The following RPS6KA5 variants were observed in gnomAD, a reference collection of about 807,000 sequenced individuals.
RPS6KA5 encodes the protein ribosomal protein S6 kinase A5.
A neutral mutation model predicts 85.5 loss-of-function variants in RPS6KA5; 27 were observed. The ratio of observed to expected loss-of-function variants is 0.32; its 90% CI spans 0.23 to 0.44. The LOEUF (loss-of-function observed/expected upper bound fraction) is 0.44, where lower values mean the gene tolerates loss of function less well. RPS6KA5 is among the 20% of genes least tolerant of loss of function. The pLI is 1.00. For synonymous variants in RPS6KA5, 334 were observed against 348.2 expected (o/e 0.96, Z 0.46); for missense variants, 811 against 980.9 (o/e 0.83, Z 2.31).
rs2032383395 is a variant in RPS6KA5 at position 90,858,348 on chromosome 14, C to A, written c.*13726G>T. The A allele has an allele frequency of 6.6e-6, 1 of 151,998 alleles. No individual in the cohort carries two copies. Among genetic ancestry groups the A allele is most frequent in the Non-Finnish European group, 1.5e-5 (1 of 68,014 alleles). 9.4% of individuals were successfully genotyped at this position (151,998 alleles called of 1,614,324 possible). A position where few individuals can be genotyped will look rare whatever the true frequency, so the allele number is the denominator to read the frequency against. ...CGAATTCATTAAATAAATCTCTGTC[C>A]AAGAACTGTTCGAGAATGATGTTAA... On this transcript the variant is annotated 3_prime_UTR_variant, in exon 17 of 17. Transcript: ENST00000614987.
intron 1 of RPS6KA5, among the ~76,000 whole-genome samples, chr14:91,059,060 G>T (rs2043470207): frequency 1.3e-5 from 2 of 152,192 alleles, no homozygotes; most frequent in Admixed American, 1.3e-4. Context: ...GGGCACGGTG[G>T]CTCACGCCTG....
At chr14:90,872,591 C>T (rs1484915848) in intron 16 of RPS6KA5, among the ~76,000 whole-genome samples, 1 of 152,166 alleles carries the variant, frequency 6.6e-6, no homozygotes, top group Admixed American at 6.5e-5. Flanking sequence ...GAAGTTAGTA[C>T]TACATCCTAA....
At position 91,037,370 on chromosome 14, in the gene RPS6KA5, G is replaced by A. The variant is rs1289483165; in HGVS notation, c.103+22962C>T. ...CCTGAATGCCACTGTGGCCCATTAT[G>A]GTAATTACATCCACCCTAGCCCTAA... On this transcript the variant is annotated intron_variant, in intron 1 of 16. Coordinates refer to ENST00000614987, the MANE Select transcript of RPS6KA5 (RefSeq NM_004755.4). Among the ~76,000 whole-genome samples, 3 of 152,122 alleles carry A rather than the reference G, an allele frequency of 2.0e-5. No individual in the cohort carries two copies. In the East Asian group the frequency reaches 5.8e-4, roughly 29 times the overall value.
At chr14:90,996,733 T>A (rs1021701816) in intron 2 of RPS6KA5, among the ~76,000 whole-genome samples, 1 of 152,096 alleles carries the variant, frequency 6.6e-6, no homozygotes, top group Non-Finnish European at 1.5e-5. Context: ...AACTTTAATA[T>A]GAAAAAAGAA....
chr14:90,991,909 A>G (rs944808812), intron 2 of RPS6KA5, among the ~76,000 whole-genome samples: 25 of 152,250 alleles, frequency 1.6e-4, no homozygotes, highest in African/African-American at 5.8e-4. Context: ...TAAGTGTCAA[A>G]AAGTAAATCT....
intron 14 of RPS6KA5, among the ~76,000 whole-genome samples, chr14:90,878,304 A>T (rs2033611033): frequency 6.6e-6 from 1 of 152,192 alleles, no homozygotes; most frequent in Non-Finnish European, 1.5e-5. Flanking sequence ...TCTTGATTAA[A>T]CAGAGGGATG....
intron 7 of RPS6KA5, among the ~76,000 whole-genome samples, chr14:90,907,593 T>C (rs2035582148): frequency 6.6e-6 from 1 of 152,170 alleles, no homozygotes; most frequent in Non-Finnish European, 1.5e-5. Context: ...GAAATGATAA[T>C]GAAACTGTAA....
chr14:90,977,377 T>G (rs1216928876), intron 3 of RPS6KA5, among the ~76,000 whole-genome samples: 1 of 152,174 alleles, frequency 6.6e-6, no homozygotes, highest in Non-Finnish European at 1.5e-5. Flanking sequence ...ATGGTGGAAC[T>G]TTTCTGCAAA....
chr14:90,895,892 G>C (rs1339622463), intron 12 of RPS6KA5, among the ~76,000 whole-genome samples: 1 of 151,656 alleles, frequency 6.6e-6, no homozygotes, highest in African/African-American at 2.4e-5. Context: ...TCTCAAAAAA[G>C]AAAAAAAGCA....
Position 90,852,353 on chromosome 14 carries a change from T to C in RPS6KA5, c.*19721A>G, listed in dbSNP as rs929051350. ...TGCCCGCCTCGGCCTCCCAACACTT[T>C]TGTTTAAAAAATGGAAATTTCTTCT... On this transcript the variant is annotated 3_prime_UTR_variant, in exon 17 of 17. Transcript: ENST00000614987. The C allele has an allele frequency of 8.5e-5, 13 of 152,066 alleles. No homozygotes were observed. Among genetic ancestry groups the C allele is most frequent in the African/African-American group, 3.1e-4 (13 of 41,438 alleles). The allele number at this position is 152,066 out of a possible 1,614,324, so 9.4% of individuals were successfully genotyped here.
In RPS6KA5 at chr14:90,856,280, G is replaced by A. The variant is rs946450210; in HGVS notation, c.*15794C>T. ...TTCAGAGTTGATGCCAAAGAAAGGG[G>A]GGCAGGATGGCATTCTCTGAATAGC... On this transcript the variant is annotated 3_prime_UTR_variant, in exon 17 of 17. Transcript: ENST00000614987. 1 of 152,154 alleles carries A rather than the reference G, an allele frequency of 6.6e-6. No individual in the cohort carries two copies. The highest frequency in any genetic ancestry group is 2.4e-5 in the African/African-American group (1 of 41,426). The allele number at this position is 152,154 out of a possible 1,614,324, so 9.4% of individuals were successfully genotyped here.
chr14:90,992,061 G>C (rs1014434806), intron 2 of RPS6KA5, among the ~76,000 whole-genome samples: 3 of 152,082 alleles, frequency 2.0e-5, no homozygotes, highest in Non-Finnish European at 2.9e-5. Context: ...GAAGACATCT[G>C]ATGAGTCTTT....
chr14:90,875,412 C>A, intron 14 of RPS6KA5, 52 bp from the exon 15 acceptor site: 1 of 1,526,558 alleles, frequency 6.6e-7, no homozygotes, highest in South Asian at 1.2e-5. Flanking sequence ...CTGTTAAAGC[C>A]ACTCTAATAA....
chr14:90,862,443 C>CCTG lies in RPS6KA5; in HGVS notation c.*9630_*9631insCAG, dbSNP rs2032605341. ...GTCTGTCCTTCTTCTTCCTCCTCCT[C>CCTG]CTCCTCCTCCTCCTTCTTCTTCTTC... On this transcript the variant is annotated 3_prime_UTR_variant, in exon 17 of 17. Transcript: ENST00000614987. 1 of 142,086 alleles carries CCTG rather than the reference C, an allele frequency of 7.0e-6. No homozygotes were observed. Among genetic ancestry groups the CCTG allele is most frequent in the African/African-American group, 2.5e-5 (1 of 39,630 alleles). 8.8% of individuals were successfully genotyped at this position (142,086 alleles called of 1,614,324 possible). A position where few individuals can be genotyped will look rare whatever the true frequency, so the allele number is the denominator to read the frequency against.
At chr14:90,950,171 C>T (rs1386232741) in intron 3 of RPS6KA5, among the ~76,000 whole-genome samples, 2 of 152,074 alleles carry the variant, frequency 1.3e-5, no homozygotes, top group Non-Finnish European at 2.9e-5. Flanking sequence ...TAAATTTATT[C>T]CCAAATGTTT....
intron 1 of RPS6KA5, among the ~76,000 whole-genome samples, chr14:91,002,883 T>C (rs992314565): frequency 6.6e-6 from 1 of 152,190 alleles, no homozygotes; most frequent in Non-Finnish European, 1.5e-5. Context: ...TATAATTTTA[T>C]AGTAAGAACA....
chr14:90,902,762 C>T, intron 9 of RPS6KA5, 46 bp downstream of exon 9: 1 of 1,533,220 alleles, frequency 6.5e-7, no homozygotes, highest in African/African-American at 1.4e-5. Context: ...TCTTTTCTTT[C>T]AAAGGACATA....
intron 1 of RPS6KA5, among the ~76,000 whole-genome samples, chr14:91,007,232 C>T (rs990897736): frequency 3.3e-5 from 5 of 152,126 alleles, no homozygotes; most frequent in Non-Finnish European, 5.9e-5. Flanking sequence ...TTAACTCCTT[C>T]CCATAGAAAG....
intron 4 of RPS6KA5, among the ~76,000 whole-genome samples, chr14:90,944,104 T>C (rs1304015149): frequency 1.3e-5 from 2 of 152,258 alleles, no homozygotes; most frequent in African/African-American, 2.4e-5. Flanking sequence ...TAAAACTTAC[T>C]TTTTTGTAAG....
Sources: gnomAD v4.1 joint callset for allele counts (sites outside exome capture counted in the v4.1 genomes callset) on GRCh38, gnomAD v4.1.1 for gene constraint, MANE v1.5 for transcripts, NCBI Gene and HGNC (gene_info 2026-07-23, HGNC 2026-07-21) for gene names.